Variants in INSC observed in about 807,000 individuals in gnomAD.
INSC encodes protein inscuteable homolog.
Under a neutral mutation model 58.6 loss-of-function variants are expected in INSC, and 67 were observed. The observed-to-expected ratio is 1.14, with a 90% CI of 0.94 to 1.40. INSC has a LOEUF of 1.40. Among genes scored for constraint, INSC ranks in the 40% most tolerant of loss-of-function variants. INSC has a pLI of 0.00. For missense variants in INSC, 714 were observed against 692.0 expected, an observed-to-expected ratio of 1.03 and a Z score of -0.36; for synonymous variants, 262 against 276.1, an observed-to-expected ratio of 0.95 and a Z score of 0.51.
At chr11:15,127,946 G>T (rs1443138990) in intron 1 of INSC, among the ~76,000 whole-genome samples, 1 of 151,940 alleles carries the variant, frequency 6.6e-6, no homozygotes, top group East Asian at 1.9e-4. Context: ...AGTGAGCCGA[G>T]ATCGTGCCGT....
intron 9 of INSC, among the ~76,000 whole-genome samples, 182 bp from the exon 10 acceptor site, chr11:15,235,420 T>C (rs1474114300): frequency 6.6e-6 from 1 of 152,076 alleles, no homozygotes; most frequent in Non-Finnish European, 1.5e-5. Flanking sequence ...ACCGGGGAAA[T>C]ACATCTGGGT....
At position 15,116,805 on chromosome 11, in the gene INSC, T is replaced by TTTTCTTTCTTTCTTTCTTTC. The variant is rs1283336885; in HGVS notation, c.-46+1828_-46+1847dup. On this transcript the variant is annotated intron_variant, in intron 1 of 12. Coordinates refer to ENST00000379556, the MANE Select transcript of INSC (RefSeq NM_001042536.3). ...TCCTTCCTTTCTTTTCTTTTCTTTCTTTTCTTTCTTTCTTTCTTTCTTTCT... is the reference window on the plus strand; with the variant it reads ...TCCTTCCTTTCTTTTCTTTTCTTTCTTTTCTTTCTTTCTTTCTTTCTTTCTTTCTTTCTTTCTTTCTTTCT... 3.0e-3 allele frequency among the ~76,000 whole-genome samples: 59 copies of TTTTCTTTCTTTCTTTCTTTC among 19,978 alleles called. 9 individuals carry two copies. The highest frequency in any genetic ancestry group is 6.0e-3 in the East Asian group (4 of 670). The allele number at this position is 19,978 out of a possible 152,430, so 13.1% of individuals were successfully genotyped here.
At chr11:15,188,421 T>C (rs1024877785) in intron 5 of INSC, 8 of 894,430 alleles carry the variant, frequency 8.9e-6, no homozygotes, top group Non-Finnish European at 1.1e-5. Context: ...GCCCGGCTCC[T>C]CCCAAGACCA....
At position 15,175,731 on chromosome 11, in the gene INSC, C is replaced by T. The variant is rs1287188994; in HGVS notation, c.57-10C>T. On this transcript the variant is annotated splice_polypyrimidine_tract_variant and intron_variant, in intron 2 of 12. Coordinates refer to ENST00000379556, the MANE Select transcript of INSC (RefSeq NM_001042536.3). ...TTGATAATTATCGTGGTGCTGTTTCCTGGTTGCAGGCTACACCTGATGCAG... is the reference window on the plus strand; with the variant it reads ...TTGATAATTATCGTGGTGCTGTTTCTTGGTTGCAGGCTACACCTGATGCAG... The T allele has an allele frequency of 2.0e-6, 3 of 1,527,502 alleles. No homozygotes were observed. In the South Asian group the frequency reaches 4.0e-5, roughly 20 times the overall value. The allele number at this position is 1,527,502 out of a possible 1,614,324, so 94.6% of individuals were successfully genotyped here.
intron 4 of INSC, among the ~76,000 whole-genome samples, chr11:15,177,628 T>G (rs1405891261): frequency 6.6e-6 from 1 of 152,204 alleles, no homozygotes; most frequent in Non-Finnish European, 1.5e-5. Context: ...TTCCTCCATA[T>G]TTCACACACA....
intron 2 of INSC, among the ~76,000 whole-genome samples, chr11:15,158,990 C>A (rs1848919843): frequency 6.7e-6 from 1 of 149,194 alleles, no homozygotes; most frequent in Non-Finnish European, 1.5e-5. Flanking sequence ...CCATGGAGAA[C>A]ACCAGGAGAC....
At chr11:15,197,077 C>T (rs570913264) in intron 6 of INSC, among the ~76,000 whole-genome samples, 4 of 152,266 alleles carry the variant, frequency 2.6e-5, no homozygotes, top group African/African-American at 9.6e-5. Flanking sequence ...CTCTGATAGT[C>T]TTTTGATATG....
At chr11:15,214,022 C>T (rs1851124062) in intron 7 of INSC, among the ~76,000 whole-genome samples, 1 of 152,198 alleles carries the variant, frequency 6.6e-6, no homozygotes, top group Non-Finnish European at 1.5e-5. Context: ...AACCTTGTCC[C>T]TATCTGGTGT....
At chr11:15,136,290 C>T (rs12225156) in intron 1 of INSC, among the ~76,000 whole-genome samples, 18,417 of 152,156 alleles carry the variant, frequency 0.12, 1,496 homozygotes, top group East Asian at 0.35. Flanking sequence ...TCATCTGAAG[C>T]TTCAGCAAGT....
chr11:15,190,843 G>T, intron 6 of INSC, 29 bp downstream of exon 6: 1 of 1,481,182 alleles, frequency 6.8e-7, no homozygotes, highest in South Asian at 1.1e-5. Flanking sequence ...GACCAAAATG[G>T]CAGGCCTGGG....
At chr11:15,164,327 C>T (rs747185838) in intron 2 of INSC, among the ~76,000 whole-genome samples, 16 of 152,134 alleles carry the variant, frequency 1.1e-4, no homozygotes, top group Non-Finnish European at 2.2e-4. Flanking sequence ...TAGAACTCCA[C>T]CTTCTTTTGT....
intron 1 of INSC, among the ~76,000 whole-genome samples, chr11:15,140,339 G>A (rs1792546): frequency 0.95 from 144,961 of 152,222 alleles, 69,445 homozygotes; most frequent in East Asian, 1. Context: ...ACCACAGCAA[G>A]GGAAAAAGTG....
At chr11:15,201,847 C>A (rs1223360266) in intron 7 of INSC, among the ~76,000 whole-genome samples, 1 of 152,164 alleles carries the variant, frequency 6.6e-6, no homozygotes, top group Non-Finnish European at 1.5e-5. Context: ...GGGACAGGGG[C>A]CAGCAAACTG....
At chr11:15,164,884 A>AT (rs1849142174) in intron 2 of INSC, among the ~76,000 whole-genome samples, 1 of 152,074 alleles carries the variant, frequency 6.6e-6, no homozygotes, top group South Asian at 2.1e-4. Flanking sequence ...AGATCTGATG[A>AT]TTTTATAATG....
At chr11:15,237,932 C>T (rs925514071) in intron 10 of INSC, among the ~76,000 whole-genome samples, 2 of 152,048 alleles carry the variant, frequency 1.3e-5, no homozygotes, top group African/African-American at 4.8e-5. Flanking sequence ...AAATTGTAGA[C>T]ACTATATGGG....
At chr11:15,263,969 T>C in the INSC span, among the ~76,000 whole-genome samples, 1 of 150,764 alleles carries the variant, frequency 6.6e-6, no homozygotes, top group African/African-American at 2.4e-5. Context: ...TCTTCCCTTT[T>C]GCTGTATCTC....
chr11:15,190,113 C>T (rs192205334), intron 5 of INSC, among the ~76,000 whole-genome samples: 35 of 152,252 alleles, frequency 2.3e-4, no homozygotes, highest in African/African-American at 7.9e-4. Flanking sequence ...ACGGGACTCC[C>T]AGTGTTGCTA....
At chr11:15,214,546 A>T (rs1851143371) in intron 7 of INSC, among the ~76,000 whole-genome samples, 2 of 152,238 alleles carry the variant, frequency 1.3e-5, no homozygotes, top group South Asian at 4.1e-4. Flanking sequence ...AGATATTTGC[A>T]TAAAAACCAC....
intron 6 of INSC, among the ~76,000 whole-genome samples, chr11:15,192,983 G>A (rs1321707824): frequency 1.3e-5 from 2 of 152,154 alleles, no homozygotes; most frequent in African/African-American, 4.8e-5. Flanking sequence ...GAGGAGGGTG[G>A]TACTAACATT....
Sources: allele counts gnomAD v4.1 joint callset (sites outside exome capture counted in the v4.1 genomes callset), GRCh38; gene constraint gnomAD v4.1.1; transcripts MANE v1.5; gene names NCBI Gene and HGNC (gene_info 2026-07-23, HGNC 2026-07-21).